HS2ST1: variants seen among roughly 807,000 people sequenced by gnomAD.
HS2ST1 encodes the protein 2-O-sulfotransferase.
Under a neutral mutation model 42.9 loss-of-function variants are expected in HS2ST1, and 18 were observed. That is an observed-to-expected ratio of 0.42 (90% CI 0.29 to 0.62). HS2ST1 has a LOEUF of 0.62. Among genes scored for constraint, HS2ST1 ranks in the 20% least tolerant of loss-of-function variants. HS2ST1 has a pLI of 0.21. For missense variants in HS2ST1, 334 were observed against 433.8 expected, an observed-to-expected ratio of 0.77 and a Z score of 2.04; for synonymous variants, 146 against 152.9, an observed-to-expected ratio of 0.95 and a Z score of 0.33.
rs187018700 is a variant in HS2ST1 at position 86,939,020 on chromosome 1, T to C, written c.124+23860T>C. On this transcript the variant is annotated intron_variant, in intron 1 of 6. Transcript: ENST00000370550. ...ATATATAAAGCTCAAGTGTTGTTTTTTTTAGAAATACAGTTGTGAAGTGGT... is the reference window on the plus strand; with the variant it reads ...ATATATAAAGCTCAAGTGTTGTTTTCTTTAGAAATACAGTTGTGAAGTGGT... 9.0e-3 allele frequency among the ~76,000 whole-genome samples: 1,371 copies of C among 152,318 alleles called. 13 individuals are homozygous for C. Among genetic ancestry groups the C allele is most frequent in the Non-Finnish European group, 0.014 (933 of 68,014 alleles).
chr1:87,078,879 C>T (rs933071680), intron 2 of HS2ST1, among the ~76,000 whole-genome samples: 16 of 152,006 alleles, frequency 1.1e-4, no homozygotes, highest in African/African-American at 3.9e-4. Flanking sequence ...GAAGGCAGAT[C>T]ATGATAGAGC....
At chr1:87,009,728 C>T (rs1038356064) in intron 1 of HS2ST1, among the ~76,000 whole-genome samples, 1 of 151,978 alleles carries the variant, frequency 6.6e-6, no homozygotes, top group East Asian at 1.9e-4. Context: ...GGACCTGTGT[C>T]ATGGCTCTTA....
chr1:87,063,178 T>C (rs758767422), intron 1 of HS2ST1, among the ~76,000 whole-genome samples: 1 of 152,168 alleles, frequency 6.6e-6, no homozygotes, highest in Non-Finnish European at 1.5e-5. Flanking sequence ...TCTTGAGCTC[T>C]TGTTTGTTTT....
intron 1 of HS2ST1, among the ~76,000 whole-genome samples, chr1:86,988,445 T>C (rs149701344): frequency 6.6e-5 from 10 of 152,340 alleles, no homozygotes; most frequent in African/African-American, 2.4e-4. Context: ...TACATGCTGT[T>C]AGTGGGAAAT....
intron 1 of HS2ST1, among the ~76,000 whole-genome samples, chr1:87,026,973 A>T (rs1042519787): frequency 1.3e-5 from 2 of 152,204 alleles, no homozygotes; most frequent in Non-Finnish European, 2.9e-5. Context: ...TTAACCCTCC[A>T]TAACATTGTA....
At chr1:87,027,992 G>A (rs1650131824) in intron 1 of HS2ST1, among the ~76,000 whole-genome samples, 1 of 152,150 alleles carries the variant, frequency 6.6e-6, no homozygotes, top group African/African-American at 2.4e-5. Context: ...GCCCGGCTGG[G>A]ACATAGAGTT....
rs556707946 is a variant in HS2ST1, at chr1:87,002,196, G to A, written c.125-70738G>A. Among the ~76,000 whole-genome samples, 38 of 152,324 alleles carry A rather than the reference G, an allele frequency of 2.5e-4. 1 individual carries two copies. The highest frequency in any genetic ancestry group is 6.8e-3 in the Middle Eastern group (2 of 294). On this transcript the variant is annotated intron_variant, in intron 1 of 6. Transcript: ENST00000370550. ...CAAAGTGCTGGGATTACAGGCGTGA[G>A]CCACCGTGCCCGGCCGGACTATTGT... is the stretch of plus-strand genomic sequence containing the variant.
chr1:86,971,314 A>C (rs1008374728), intron 1 of HS2ST1, among the ~76,000 whole-genome samples: 1 of 151,372 alleles, frequency 6.6e-6, no homozygotes, highest in African/African-American at 2.4e-5. Flanking sequence ...AAAACAAAAC[A>C]AAAAAAAACC....
intron 1 of HS2ST1, among the ~76,000 whole-genome samples, chr1:86,980,051 T>G (rs1387731536): frequency 2.6e-5 from 4 of 152,200 alleles, no homozygotes; most frequent in African/African-American, 9.6e-5. Flanking sequence ...CTCAATGTAT[T>G]TGTTACATTA....
chr1:87,001,189 G>A (rs1024648126), intron 1 of HS2ST1, among the ~76,000 whole-genome samples: 22 of 152,094 alleles, frequency 1.4e-4, no homozygotes, highest in African/African-American at 5.1e-4. Flanking sequence ...GAGAAGAGAG[G>A]TGCTGTATGT....
At chr1:86,938,962 T>C (rs1387445286) in intron 1 of HS2ST1, among the ~76,000 whole-genome samples, 2 of 152,230 alleles carry the variant, frequency 1.3e-5, no homozygotes, top group African/African-American at 4.8e-5. Context: ...TTCTATATGG[T>C]CTTTCATTCT....
At chr1:86,922,634 A>G (rs2102155035) in intron 1 of HS2ST1, among the ~76,000 whole-genome samples, 1 of 152,238 alleles carries the variant, frequency 6.6e-6, no homozygotes, top group African/African-American at 2.4e-5. Flanking sequence ...TTGTTGTTTC[A>G]GTACTTTAAA....
intron 1 of HS2ST1, among the ~76,000 whole-genome samples, chr1:87,072,182 A>G (rs1463831727): frequency 6.6e-6 from 1 of 152,170 alleles, no homozygotes; most frequent in African/African-American, 2.4e-5. Flanking sequence ...AAGCATAGCC[A>G]TGTGCTAAAC....
At chr1:86,949,901 A>G (rs1647454129) in intron 1 of HS2ST1, among the ~76,000 whole-genome samples, 1 of 152,226 alleles carries the variant, frequency 6.6e-6, no homozygotes, top group African/African-American at 2.4e-5. Context: ...TGCAAAATCT[A>G]CTTCATTTAA....
rs1660584641 is a variant in HS2ST1, at chr1:86,933,528, A to G, written c.124+18368A>G. ...TCTTAGAGTTTCCATGTCTCTGCCT[A>G]CAGTGGGCATCAGTTTTTGAATGTC... On this transcript the variant is annotated intron_variant, in intron 1 of 6. Coordinates refer to ENST00000370550, the MANE Select transcript of HS2ST1 (RefSeq NM_012262.4). Among the ~76,000 whole-genome samples the G allele has an allele frequency of 2.0e-5, 3 of 152,134 alleles. No homozygotes were observed. The South Asian group carries it at 6.2e-4, about 31-fold the overall frequency.
chr1:86,916,339 C>T lies in HS2ST1; in HGVS notation c.124+1179C>T, dbSNP rs139405702. Among the ~76,000 whole-genome samples, 355 of 152,240 alleles carry T rather than the reference C, an allele frequency of 2.3e-3. 3 individuals are homozygous for T. The highest frequency in any genetic ancestry group is 8.2e-3 in the African/African-American group (342 of 41,520). ...AGCCAGCAAAAACAAAAACAAAAAA[C>T]CCTCAGCAGTGTAATTTAGACTAAG... On this transcript the variant is annotated intron_variant, in intron 1 of 6. Transcript: ENST00000370550.
chr1:87,094,405 T>A (rs574731726), intron 4 of HS2ST1, among the ~76,000 whole-genome samples: 1 of 152,200 alleles, frequency 6.6e-6, no homozygotes, highest in Non-Finnish European at 1.5e-5. Flanking sequence ...GTGTTTTAAG[T>A]TATTTTATAT....
Position 86,985,368 on chromosome 1 carries a change from G to GTATATATATATATATATATATATA in HS2ST1, c.124+70224_124+70225insTATATATATATATATATATATATA, listed in dbSNP as rs1553135008. Among the ~76,000 whole-genome samples the GTATATATATATATATATATATATA allele has an allele frequency of 1.1e-4, 3 of 26,944 alleles. 1 individual carries two copies. Among genetic ancestry groups the GTATATATATATATATATATATATA allele is most frequent in the African/African-American group, 2.4e-4 (3 of 12,376 alleles). 17.7% of individuals were successfully genotyped at this position (26,944 alleles called of 152,430 possible). On this transcript the variant is annotated intron_variant, in intron 1 of 6. Transcript: ENST00000370550. Reference sequence around the variant, plus strand: ...ACTTGTATCAAAAAAAAAAAAAAAAGTATATATATATATATACACACACAC... The same window carrying GTATATATATATATATATATATATA: ...ACTTGTATCAAAAAAAAAAAAAAAAGTATATATATATATATATATATATATATATATATATATATACACACACAC...
intron 1 of HS2ST1, among the ~76,000 whole-genome samples, chr1:86,948,449 G>A (rs1380724876): frequency 6.6e-6 from 1 of 152,166 alleles, no homozygotes; most frequent in African/African-American, 2.4e-5. Context: ...CACTGCGCCT[G>A]CCAAGTTTGC....
Sources: allele counts gnomAD v4.1 joint callset (sites outside exome capture counted in the v4.1 genomes callset), GRCh38; gene constraint gnomAD v4.1.1; transcripts MANE v1.5; gene names NCBI Gene and HGNC (gene_info 2026-07-23, HGNC 2026-07-21).